RASA1: variants seen among roughly 807,000 people sequenced by gnomAD.
RASA1 encodes the protein ras GTPase-activating protein 1.
Under a neutral mutation model 132.2 loss-of-function variants are expected in RASA1, and 25 were observed. The observed-to-expected ratio is 0.19, with a 90% confidence interval of 0.14 to 0.26. RASA1 has a LOEUF of 0.26. Ranked by LOEUF, RASA1 falls within the 10% of genes least tolerant of loss-of-function variation. RASA1 has a pLI of 1.00. For missense variants in RASA1, 964 were observed against 1,299.2 expected (o/e 0.74, Z 3.97); for synonymous variants, 477 against 449.9 (o/e 1.06, Z -0.76).
At chr5:87,384,009 A>C (rs1203755797) in intron 21 of RASA1, among the ~76,000 whole-genome samples, 1 of 151,984 alleles carries the variant, frequency 6.6e-6, no homozygotes, top group Non-Finnish European at 1.5e-5. Flanking sequence ...GCATGATTAC[A>C]CACATTCCAC....
intron 23 of RASA1, among the ~76,000 whole-genome samples, chr5:87,388,263 T>C (rs1015616900): frequency 3.3e-5 from 5 of 152,206 alleles, no homozygotes; most frequent in Non-Finnish European, 7.4e-5. Flanking sequence ...CTCTGTCCCA[T>C]AGATAACATT....
At chr5:87,381,963 T>A (rs1406339850) in intron 20 of RASA1, among the ~76,000 whole-genome samples, 1 of 152,178 alleles carries the variant, frequency 6.6e-6, no homozygotes, top group Non-Finnish European at 1.5e-5. Flanking sequence ...TTAATTGTTA[T>A]TTTTTTGAGA....
intron 1 of RASA1, among the ~76,000 whole-genome samples, chr5:87,286,013 A>G (rs1170815210): frequency 1.4e-5 from 2 of 144,330 alleles, no homozygotes; most frequent in Non-Finnish European, 3.1e-5. Flanking sequence ...TTTTATTATT[A>G]TTATTTTGTG....
At chr5:87,358,810 T>A (rs1580346704) in intron 9 of RASA1, among the ~76,000 whole-genome samples, 1 of 152,196 alleles carries the variant, frequency 6.6e-6, no homozygotes, top group South Asian at 2.1e-4. Context: ...TTATTATTTG[T>A]AAATAAGCCA....
chr5:87,346,046 C>A (rs184365521), intron 6 of RASA1, among the ~76,000 whole-genome samples: 13 of 152,042 alleles, frequency 8.6e-5, no homozygotes, highest in African/African-American at 2.6e-4. Flanking sequence ...ACTATGATGC[C>A]TTTTATAATA....
chr5:87,388,055 G>A (rs1561332176), intron 23 of RASA1, among the ~76,000 whole-genome samples: 1 of 152,208 alleles, frequency 6.6e-6, no homozygotes, highest in East Asian at 1.9e-4. Context: ...AGCTTTTGCT[G>A]AACCCCAAAC....
At chr5:87,300,778 G>A (rs1431806607) in intron 1 of RASA1, among the ~76,000 whole-genome samples, 1 of 152,136 alleles carries the variant, frequency 6.6e-6, no homozygotes, top group African/African-American at 2.4e-5. Flanking sequence ...TTTAAAAGAT[G>A]ATTATATGAT....
At chr5:87,274,486 A>G (rs1158273379) in intron 1 of RASA1, among the ~76,000 whole-genome samples, 1 of 152,166 alleles carries the variant, frequency 6.6e-6, no homozygotes, top group Non-Finnish European at 1.5e-5. Context: ...GTTACGGACA[A>G]TGATTGATGA....
At chr5:87,382,037 C>G (rs931703891) in intron 20 of RASA1, among the ~76,000 whole-genome samples, 1 of 152,098 alleles carries the variant, frequency 6.6e-6, no homozygotes, top group Non-Finnish European at 1.5e-5. Context: ...CTGCAACCCC[C>G]GCCTCCCAGG....
At chr5:87,375,311 A>G (rs887955566) in intron 15 of RASA1, among the ~76,000 whole-genome samples, 2 of 151,504 alleles carry the variant, frequency 1.3e-5, no homozygotes, top group East Asian at 1.9e-4. Context: ...CTCAGGCTGC[A>G]GTGCAGTGGT....
At chr5:87,328,125 AT>A (rs1299089021) in intron 1 of RASA1, among the ~76,000 whole-genome samples, 13 of 152,334 alleles carry the variant, frequency 8.5e-5, no homozygotes, top group Admixed American at 5.9e-4. Context: ...CATTGGACAA[AT>A]ACTTTTAAAA....
intron 1 of RASA1, among the ~76,000 whole-genome samples, chr5:87,287,448 T>C (rs902670556): frequency 1.6e-4 from 24 of 146,452 alleles, no homozygotes; most frequent in African/African-American, 4.3e-4. Flanking sequence ...ATATACACCA[T>C]ATATATACCA....
At chr5:87,363,997 A>G (rs991168407) in intron 11 of RASA1, among the ~76,000 whole-genome samples, 1 of 152,160 alleles carries the variant, frequency 6.6e-6, no homozygotes, top group Admixed American at 6.6e-5. Context: ...ATATAAATGT[A>G]TAAGCTGAAT....
In RASA1 at chr5:87,380,033, A is replaced by G. The variant is rs904471778; in HGVS notation, c.2603+183A>G. On this transcript the variant is annotated intron_variant, in intron 19 of 24. Coordinates refer to ENST00000274376, the MANE Select transcript of RASA1 (RefSeq NM_002890.3). ...AGCTGTCTTAATAAAACCACCCATTATTTTCGTACAAGCCAATATGTCTGG... is the reference window on the plus strand; with the variant it reads ...AGCTGTCTTAATAAAACCACCCATTGTTTTCGTACAAGCCAATATGTCTGG... Among the ~76,000 whole-genome samples, 238 of 152,150 alleles carry G rather than the reference A, an allele frequency of 1.6e-3. 1 individual carries two copies. Among genetic ancestry groups the G allele is most frequent in the Middle Eastern group, 6.8e-3 (2 of 294 alleles).
At chr5:87,323,664 G>A (rs1441051618) in intron 1 of RASA1, among the ~76,000 whole-genome samples, 2 of 151,754 alleles carry the variant, frequency 1.3e-5, no homozygotes, top group African/African-American at 4.8e-5. Flanking sequence ...AAAGTATATT[G>A]TAAAGAATGT....
chr5:87,381,724 G>A (rs567375918), intron 20 of RASA1, among the ~76,000 whole-genome samples: 5 of 152,258 alleles, frequency 3.3e-5, no homozygotes, highest in African/African-American at 4.8e-5. Context: ...GCACAGTTAC[G>A]TGTGAGATGT....
chr5:87,308,554 ACTCC>A (rs1422793793), intron 1 of RASA1, among the ~76,000 whole-genome samples: 1 of 152,072 alleles, frequency 6.6e-6, no homozygotes, highest in Non-Finnish European at 1.5e-5. Context: ...AAAAGTCTTT[ACTCC>A]CTCATACCTC....
At chr5:87,360,936 AT>A (rs1760041348) in intron 9 of RASA1, among the ~76,000 whole-genome samples, 1 of 152,190 alleles carries the variant, frequency 6.6e-6, no homozygotes, top group South Asian at 2.1e-4. Context: ...TATTTTAAGT[AT>A]GTTCAATCAA....
chr5:87,268,127 T>G lies in RASA1; in HGVS notation c.-325T>G, dbSNP rs1162976756. The G allele has an allele frequency of 9.4e-6, 4 of 423,956 alleles. No individual in the cohort carries two copies. Among genetic ancestry groups the G allele is most frequent in the Admixed American group, 3.9e-5 (1 of 25,442 alleles). 26.3% of individuals were successfully genotyped at this position (423,956 alleles called of 1,614,324 possible). ...TCAGCCTCTTTCCCTGTGCTTCCTT[T>G]CCTCTTTAGTGCAGCGAGGAAGTTT... On this transcript the variant is annotated 5_prime_UTR_variant, in exon 1 of 25. Coordinates refer to ENST00000274376, the MANE Select transcript of RASA1 (RefSeq NM_002890.3).
Sources: allele counts gnomAD v4.1 joint callset (sites outside exome capture counted in the v4.1 genomes callset), GRCh38; gene constraint gnomAD v4.1.1; transcripts MANE v1.5; gene names NCBI Gene and HGNC (gene_info 2026-07-23, HGNC 2026-07-21).